Variants in MANBA observed in about 807,000 individuals in gnomAD.
MANBA encodes mannosidase beta, also known as beta-mannosidase.
A neutral mutation model predicts 111.1 loss-of-function variants in MANBA; 83 were observed. The observed-to-expected ratio is 0.75, with a 90% confidence interval of 0.63 to 0.90. MANBA has a LOEUF of 0.90. Ranked by LOEUF, MANBA falls within the 40% of genes least tolerant of loss-of-function variation. MANBA has a pLI of 0.00. For missense variants in MANBA, 1,036 were observed against 1,069.0 expected (o/e 0.97, Z 0.43); for synonymous variants, 370 against 378.7 (o/e 0.98, Z 0.27).
intron 1 of MANBA, among the ~76,000 whole-genome samples, chr4:102,739,643 C>A (rs750455613): frequency 2.5e-4 from 38 of 152,010 alleles, no homozygotes; most frequent in Non-Finnish European, 4.4e-4. Flanking sequence ...GGTACATATG[C>A]AAGTCAATAA....
At chr4:102,641,086 A>G (rs1729859642) in intron 13 of MANBA, among the ~76,000 whole-genome samples, 1 of 152,186 alleles carries the variant, frequency 6.6e-6, no homozygotes, top group Admixed American at 6.5e-5. Flanking sequence ...TAAGTAGAAG[A>G]GGTATGCAAT....
At chr4:102,700,920 C>T (rs921831551) in intron 5 of MANBA, among the ~76,000 whole-genome samples, 2 of 151,962 alleles carry the variant, frequency 1.3e-5, no homozygotes, top group Non-Finnish European at 2.9e-5. Context: ...TCCTTGTTAA[C>T]TTTCTGTCTC....
At chr4:102,703,482 A>G (rs970118309) in intron 5 of MANBA, among the ~76,000 whole-genome samples, 1 of 152,206 alleles carries the variant, frequency 6.6e-6, no homozygotes, top group South Asian at 2.1e-4. Context: ...GGACTAACAA[A>G]TTAGCTACAA....
intron 1 of MANBA, 46 bp downstream of exon 1, chr4:102,760,672 G>A (rs1160093791): frequency 1.3e-6 from 2 of 1,497,624 alleles, no homozygotes; most frequent in South Asian, 2.6e-5. Context: ...CTCAGCACCA[G>A]AAGAAGGCGG....
At chr4:102,718,246 C>A (rs73836843) in intron 4 of MANBA, among the ~76,000 whole-genome samples, 1 of 152,170 alleles carries the variant, frequency 6.6e-6, no homozygotes, top group Non-Finnish European at 1.5e-5. Flanking sequence ...ATCACAAGTG[C>A]GGTGTGGCGC....
In MANBA at chr4:102,754,621, A is replaced by G. The variant is rs952918970; in HGVS notation, c.177+6097T>C. 2.8e-4 allele frequency among the ~76,000 whole-genome samples: 43 copies of G among 151,302 alleles called. 1 individual carries two copies. The highest frequency in any genetic ancestry group is 1.9e-3 in the Admixed American group (29 of 15,180). ...ACCCAGGCTGGAGTGCAGTGGCGTG[A>G]TCTTGGCTCATTGCAAGCTCCACCT... On this transcript the variant is annotated intron_variant, in intron 1 of 16. Transcript: ENST00000647097.
At chr4:102,730,655 C>A in intron 1 of MANBA, 1 of 540,416 alleles carries the variant, frequency 1.9e-6, no homozygotes. Context: ...GTAGTCAGCT[C>A]AGTGCTCGTG....
chr4:102,710,929 C>G (rs1446149752), intron 5 of MANBA, among the ~76,000 whole-genome samples: 1 of 152,176 alleles, frequency 6.6e-6, no homozygotes, highest in East Asian at 1.9e-4. Flanking sequence ...AAAAATGAAA[C>G]TGGACTCTTA....
intron 16 of MANBA, chr4:102,633,613 A>G: frequency 2.5e-6 from 1 of 394,758 alleles, no homozygotes; most frequent in Non-Finnish European, 4.5e-6. Context: ...AAGAAGGACA[A>G]GTCTCACTGA....
chr4:102,675,964 C>A (rs1348331479), intron 7 of MANBA, among the ~76,000 whole-genome samples: 8 of 151,636 alleles, frequency 5.3e-5, no homozygotes, highest in Non-Finnish European at 7.4e-5. Flanking sequence ...GAACAAGACT[C>A]CGTCTTGAAA....
At chr4:102,737,639 C>T (rs189178886) in intron 1 of MANBA, among the ~76,000 whole-genome samples, 1,565 of 152,238 alleles carry the variant, frequency 0.01, 15 homozygotes, top group Middle Eastern at 0.034. Flanking sequence ...CCCGCCACCA[C>T]GCCTGGCTAA....
chr4:102,697,252 GA>G (rs1281736761), intron 5 of MANBA, among the ~76,000 whole-genome samples: 1 of 151,852 alleles, frequency 6.6e-6, no homozygotes, highest in Non-Finnish European at 1.5e-5. Context: ...TTATTTTATG[GA>G]AAAAATAATT....
chr4:102,651,604 C>T (rs977386113), intron 12 of MANBA, among the ~76,000 whole-genome samples: 6 of 152,104 alleles, frequency 3.9e-5, no homozygotes, highest in Non-Finnish European at 1.5e-5. Context: ...GCCCCTCCAC[C>T]CAAAAACCTG....
At chr4:102,657,224 G>T (rs1350263888) in intron 12 of MANBA, among the ~76,000 whole-genome samples, 2 of 122,692 alleles carry the variant, frequency 1.6e-5, no homozygotes, top group Non-Finnish European at 3.4e-5. Context: ...GAGTGGGGTG[G>T]GGGGGGGGTG....
chr4:102,700,180 T>G (rs1221107336), intron 5 of MANBA, among the ~76,000 whole-genome samples: 22 of 151,118 alleles, frequency 1.5e-4, no homozygotes, highest in Non-Finnish European at 3.1e-4. Flanking sequence ...TGGTAGTTTG[T>G]ATTTCTGTGG....
At chr4:102,697,475 T>A (rs919906297) in intron 5 of MANBA, among the ~76,000 whole-genome samples, 3 of 151,636 alleles carry the variant, frequency 2.0e-5, no homozygotes, top group Non-Finnish European at 4.4e-5. Flanking sequence ...TCATCTATCA[T>A]TAGGTATATC....
rs953133988 is a variant in MANBA, at chr4:102,729,554, T to G, written c.178-2871A>C. 3.5e-6 allele frequency: 3 copies of G among 869,204 alleles called. No homozygotes were observed. The African/African-American group carries it at 4.9e-5, about 14-fold the overall frequency. The allele number at this position is 869,204 out of a possible 1,614,324, so 53.8% of individuals were successfully genotyped here. A position where few individuals can be genotyped will look rare whatever the true frequency, so the allele number is the denominator to read the frequency against. ...TCCAGGTGAGACTCCAGCTCTACCT[T>G]GTTCATGTAACCTTCATCCACATCC... is the stretch of plus-strand genomic sequence containing the variant. On this transcript the variant is annotated intron_variant, in intron 1 of 16. Transcript: ENST00000647097.
chr4:102,676,602 T>A (rs141264911), intron 7 of MANBA, among the ~76,000 whole-genome samples: 1 of 152,214 alleles, frequency 6.6e-6, no homozygotes, highest in East Asian at 1.9e-4. Flanking sequence ...AATCATACTT[T>A]TGCTTTACAA....
intron 1 of MANBA, among the ~76,000 whole-genome samples, chr4:102,744,173 CCT>C (rs922950655): frequency 1.6e-4 from 24 of 152,206 alleles, no homozygotes; most frequent in Non-Finnish European, 3.1e-4. Context: ...GGACGTTGTG[CCT>C]CTTTCTTGGT....
Sources: gnomAD v4.1 joint callset for allele counts (sites outside exome capture counted in the v4.1 genomes callset) on GRCh38, gnomAD v4.1.1 for gene constraint, MANE v1.5 for transcripts, NCBI Gene and HGNC (gene_info 2026-07-23, HGNC 2026-07-21) for gene names.